The following SRFBP1 variants were observed in gnomAD, a reference collection of about 807,000 sequenced individuals.
SRFBP1 encodes the protein serum response factor-binding protein 1.
Under a neutral mutation model 45.5 loss-of-function variants are expected in SRFBP1, and 47 were observed. That is an observed-to-expected ratio of 1.03 (90% CI 0.82 to 1.32). SRFBP1 has a LOEUF of 1.32. Ranked by LOEUF, SRFBP1 falls within the 40% of genes most tolerant of loss-of-function variation. The pLI, the probability that SRFBP1 is intolerant of heterozygous loss-of-function variation, is 0.00. For synonymous variants in SRFBP1, 203 were observed against 166.3 expected (o/e 1.22, Z -1.70); for missense variants, 621 against 484.6 (o/e 1.28, Z -2.64).
At chr5:121,967,431 A>T (rs1470969902) in intron 1 of SRFBP1, among the ~76,000 whole-genome samples, 2 of 152,240 alleles carry the variant, frequency 1.3e-5, no homozygotes, top group African/African-American at 4.8e-5. Context: ...AATCGTAGAT[A>T]ATCACTAAGC....
At chr5:122,032,407 TAAACAATAAATCTCA>T (rs1299554492), downstream of SRFBP1, among the ~76,000 whole-genome samples, 1 of 149,838 alleles carries the variant, frequency 6.7e-6, no homozygotes, top group African/African-American at 2.4e-5. Flanking sequence ...CCGCCCCCTG[TAAACAATAAATCTCA>T]TTAATCCCTG....
At chr5:122,003,083 C>A (rs941229629) in intron 4 of SRFBP1, among the ~76,000 whole-genome samples, 8 of 152,238 alleles carry the variant, frequency 5.3e-5, no homozygotes, top group Middle Eastern at 3.4e-3. Flanking sequence ...GCGGCTCACC[C>A]TGTAGTCCCA....
intron 3 of SRFBP1, among the ~76,000 whole-genome samples, chr5:121,990,818 A>T (rs1198959395): frequency 6.6e-6 from 1 of 152,154 alleles, no homozygotes; most frequent in African/African-American, 2.4e-5. Context: ...TTTTGACTAC[A>T]TGTCTTATTG....
intron 3 of SRFBP1, among the ~76,000 whole-genome samples, chr5:121,993,845 C>T (rs1310769243): frequency 6.6e-6 from 1 of 151,804 alleles, no homozygotes; most frequent in African/African-American, 2.4e-5. Flanking sequence ...TGTTTTAATT[C>T]CAGGTGGAAG....
At chr5:122,065,340 T>C (rs762188538) in intron 2 of SRFBP1, 5 of 152,076 alleles carry the variant, frequency 3.3e-5, no homozygotes, top group Admixed American at 2.0e-4. Context: ...CACTGGAAAA[T>C]CTTACTTGAG....
At chr5:122,047,021 C>G (rs939790116) in intron 2 of SRFBP1, among the ~76,000 whole-genome samples, 3 of 152,118 alleles carry the variant, frequency 2.0e-5, no homozygotes, top group Admixed American at 6.5e-5. Context: ...ATGGTAGTTT[C>G]TTTTGCTGTG....
rs570409482 is a variant in SRFBP1, at chr5:122,039,583, C to G, written n.311+17176C>G. On this transcript the variant is annotated intron_variant and non_coding_transcript_variant, in intron 2 of 2. Coordinates refer to the SRFBP1 transcript ENST00000504881. ...TTCCCCACAAAACTTTCCAGATAAT[C>G]TTCCACACTTCTTCCATTATATCCC... Among the ~76,000 whole-genome samples, 32 of 152,234 alleles carry G rather than the reference C, an allele frequency of 2.1e-4. No individual in the cohort carries two copies. The South Asian group carries it at 6.4e-3, about 31-fold the overall frequency.
rs116017555 is a variant in SRFBP1 at position 122,069,477 on chromosome 5, A to G, written n.312-5838A>G. On this transcript the variant is annotated intron_variant and non_coding_transcript_variant, in intron 2 of 2. Coordinates refer to the SRFBP1 transcript ENST00000504881. Reference sequence around the variant, plus strand: ...TCCCTGTGAATAGATATCTTCCAGTATTTCATTCTAAGAAGAGTCTCAGGA... The same window carrying G: ...TCCCTGTGAATAGATATCTTCCAGTGTTTCATTCTAAGAAGAGTCTCAGGA... Among the ~76,000 whole-genome samples, 721 of 152,232 alleles carry G rather than the reference A, an allele frequency of 4.7e-3. 9 individuals are homozygous for G. The highest frequency in any genetic ancestry group is 0.017 in the African/African-American group (687 of 41,534).
chr5:122,069,082 C>T (rs947226837), intron 2 of SRFBP1, among the ~76,000 whole-genome samples: 1 of 152,060 alleles, frequency 6.6e-6, no homozygotes, highest in Non-Finnish European at 1.5e-5. Context: ...CAGGCTTCAT[C>T]TATCTCTAAT....
intron 2 of SRFBP1, among the ~76,000 whole-genome samples, chr5:122,051,227 G>T (rs1753968872): frequency 6.6e-6 from 1 of 152,178 alleles, no homozygotes; most frequent in Non-Finnish European, 1.5e-5. Context: ...TGAGAAGAAT[G>T]TATATTCTGT....
intron 2 of SRFBP1, among the ~76,000 whole-genome samples, chr5:122,068,932 C>T (rs568888196): frequency 6.6e-6 from 1 of 151,996 alleles, no homozygotes; most frequent in South Asian, 2.1e-4. Flanking sequence ...GGTGTTCTGG[C>T]GGTGGGGGTC....
chr5:122,007,460 T>G (rs1753001622), intron 4 of SRFBP1, among the ~76,000 whole-genome samples: 1 of 151,876 alleles, frequency 6.6e-6, no homozygotes, highest in Non-Finnish European at 1.5e-5. Flanking sequence ...GCTGACATGG[T>G]GTCTGGAGCC....
At chr5:122,064,836 A>G (rs1030978821) in intron 2 of SRFBP1, 1 of 152,028 alleles carries the variant, frequency 6.6e-6, no homozygotes, top group Non-Finnish European at 1.5e-5. Flanking sequence ...GTCTTCTCCT[A>G]TGTATCCATG....
At chr5:122,001,686 C>T (rs1460774175) in intron 4 of SRFBP1, among the ~76,000 whole-genome samples, 2 of 151,562 alleles carry the variant, frequency 1.3e-5, no homozygotes, top group Admixed American at 1.3e-4. Flanking sequence ...CTCAGCCTCC[C>T]GAGTAGCTGG....
chr5:121,991,161 C>T (rs552809597), intron 3 of SRFBP1, among the ~76,000 whole-genome samples: 1 of 152,076 alleles, frequency 6.6e-6, no homozygotes, highest in Non-Finnish European at 1.5e-5. Context: ...TGCATGTCTC[C>T]TCCAGTTTTA....
At chr5:122,055,033 T>C (rs1465169056) in intron 2 of SRFBP1, among the ~76,000 whole-genome samples, 1 of 152,228 alleles carries the variant, frequency 6.6e-6, no homozygotes, top group Admixed American at 6.5e-5. Flanking sequence ...TGACAATTGT[T>C]ATTGTCTTAG....
At chr5:121,978,740 C>T (rs1355649104) in intron 3 of SRFBP1, among the ~76,000 whole-genome samples, 2 of 152,174 alleles carry the variant, frequency 1.3e-5, no homozygotes, top group African/African-American at 4.8e-5. Flanking sequence ...GATCCGCCCA[C>T]CTCGGCCTCC....
At chr5:122,070,675 T>G (rs527365753) in intron 2 of SRFBP1, 5 of 677,472 alleles carry the variant, frequency 7.4e-6, no homozygotes, top group African/African-American at 7.2e-5. Flanking sequence ...AAATTAAATT[T>G]TAAGTTAGTA....
intron 4 of SRFBP1, among the ~76,000 whole-genome samples, chr5:122,015,933 A>G (rs1753185988): frequency 6.6e-6 from 1 of 152,074 alleles, no homozygotes; most frequent in Non-Finnish European, 1.5e-5. Flanking sequence ...CTCCTCATAT[A>G]CTTATCTCCT....
Sources: allele counts gnomAD v4.1 joint callset (sites outside exome capture counted in the v4.1 genomes callset), GRCh38; gene constraint gnomAD v4.1.1; transcripts MANE v1.5; gene names NCBI Gene and HGNC (gene_info 2026-07-23, HGNC 2026-07-21).